Variants in RIC8B observed in about 807,000 individuals in gnomAD.
RIC8B encodes RIC8 guanine nucleotide exchange factor B.
RIC8B carries 16 observed loss-of-function variants against 57.5 expected under a neutral mutation model. The ratio of observed to expected loss-of-function variants is 0.28; its 90% confidence interval spans 0.19 to 0.42. The LOEUF (loss-of-function observed/expected upper bound fraction) is 0.42. Ranked by LOEUF, RIC8B falls within the 10% of genes least tolerant of loss-of-function variation. The pLI, the probability that RIC8B is intolerant of heterozygous loss-of-function variation, is 1.00. For synonymous variants in RIC8B, 216 were observed against 250.8 expected, an observed-to-expected ratio of 0.86 and a Z score of 1.31; for missense variants, 481 against 677.0, an observed-to-expected ratio of 0.71 and a Z score of 3.21.
At chr12:106,808,621 T>C (rs888274046) in intron 2 of RIC8B, among the ~76,000 whole-genome samples, 2 of 152,136 alleles carry the variant, frequency 1.3e-5, no homozygotes, top group Admixed American at 1.3e-4. Context: ...ATGCATACTC[T>C]TTTTTTATGC....
At chr12:106,865,575 C>CCTAT (rs1950106203) in intron 8 of RIC8B, among the ~76,000 whole-genome samples, 1 of 152,270 alleles carries the variant, frequency 6.6e-6, no homozygotes, top group East Asian at 1.9e-4. Context: ...TAGTTCTGGT[C>CCTAT]CTATCTTCAT....
At chr12:106,841,524 G>T (rs1217153926) in intron 4 of RIC8B, among the ~76,000 whole-genome samples, 1 of 152,096 alleles carries the variant, frequency 6.6e-6, no homozygotes, top group Non-Finnish European at 1.5e-5. Flanking sequence ...AGGAGCTACT[G>T]GTCTAAATTA....
chr12:106,864,683 A>C (rs1489850672), intron 8 of RIC8B, among the ~76,000 whole-genome samples: 1 of 152,128 alleles, frequency 6.6e-6, no homozygotes, highest in Non-Finnish European at 1.5e-5. Flanking sequence ...TTGGGGATAA[A>C]ATATGTAACA....
intron 2 of RIC8B, among the ~76,000 whole-genome samples, chr12:106,797,468 G>C (rs2044534810): frequency 6.6e-6 from 1 of 152,156 alleles, no homozygotes; most frequent in South Asian, 2.1e-4. Flanking sequence ...TGACAAAGTA[G>C]ATTCATAGTT....
At chr12:106,835,330 T>C (rs1194722677) in intron 4 of RIC8B, among the ~76,000 whole-genome samples, 1 of 152,210 alleles carries the variant, frequency 6.6e-6, no homozygotes, top group African/African-American at 2.4e-5. Context: ...TCATTTGCTT[T>C]AGGTTTAGGA....
At chr12:106,859,959 G>A (rs1210131579) in intron 7 of RIC8B, among the ~76,000 whole-genome samples, 2 of 152,060 alleles carry the variant, frequency 1.3e-5, no homozygotes, top group East Asian at 3.9e-4. Context: ...AGTAAGATCT[G>A]AGATCAGAAA....
At chr12:106,814,056 CAAAAG>C (rs1205034590) in intron 2 of RIC8B, among the ~76,000 whole-genome samples, 1 of 152,142 alleles carries the variant, frequency 6.6e-6, no homozygotes, top group Non-Finnish European at 1.5e-5. Context: ...AGCAAGATAA[CAAAAG>C]AAAGCTAAAA....
chr12:106,827,720 A>AT (rs1301384677), intron 4 of RIC8B, among the ~76,000 whole-genome samples: 1 of 152,226 alleles, frequency 6.6e-6, no homozygotes, highest in African/African-American at 2.4e-5. Flanking sequence ...GCAATAAATC[A>AT]TATCCTAACA....
chr12:106,871,019 A>T, intron 9 of RIC8B, 77 bp downstream of exon 9: 1 of 1,383,020 alleles, frequency 7.2e-7, no homozygotes, highest in Non-Finnish European at 9.8e-7. Flanking sequence ...GAGAGTTACC[A>T]TAGAACAGCA....
intron 4 of RIC8B, among the ~76,000 whole-genome samples, chr12:106,834,035 G>T (rs2136373477): frequency 6.6e-6 from 1 of 152,284 alleles, no homozygotes; most frequent in African/African-American, 2.4e-5. Context: ...AAGCCAGTAA[G>T]ATACAAGTGC....
At chr12:106,850,299 C>G (rs1289882080) in intron 6 of RIC8B, among the ~76,000 whole-genome samples, 1 of 152,022 alleles carries the variant, frequency 6.6e-6, no homozygotes, top group Non-Finnish European at 1.5e-5. Context: ...GATGCAGAGA[C>G]TATAAAAAGC....
chr12:106,878,862 A>C (rs1950796049), intron 9 of RIC8B: 6 of 504,544 alleles, frequency 1.2e-5, no homozygotes, highest in Non-Finnish European at 1.5e-5. Flanking sequence ...ATAGAACAAA[A>C]TATGTTACAT....
intron 2 of RIC8B, among the ~76,000 whole-genome samples, chr12:106,789,748 A>G (rs970244677): frequency 1.3e-5 from 2 of 152,156 alleles, no homozygotes; most frequent in Admixed American, 6.5e-5. Flanking sequence ...CAGCCAAACC[A>G]TATCACTCCC....
At chr12:106,872,650 CAA>C (rs1950484609) in intron 9 of RIC8B, among the ~76,000 whole-genome samples, 1 of 108,646 alleles carries the variant, frequency 9.2e-6, no homozygotes, top group African/African-American at 3.8e-5. Flanking sequence ...CCTGGTCAAA[CAA>C]GAGCAAAACT....
intron 6 of RIC8B, 136 bp from the exon 7 acceptor site, chr12:106,851,314 C>CGT (rs1356309325): frequency 1.8e-6 from 1 of 556,880 alleles, no homozygotes; most frequent in African/African-American, 2.8e-5. Context: ...TGGAAGCTAA[C>CGT]CTTTTTTTTT....
At chr12:106,802,675 A>G (rs2044790114) in intron 2 of RIC8B, among the ~76,000 whole-genome samples, 1 of 151,706 alleles carries the variant, frequency 6.6e-6, no homozygotes, top group Non-Finnish European at 1.5e-5. Context: ...TAATGTTAAG[A>G]ACACTCATTT....
intron 2 of RIC8B, among the ~76,000 whole-genome samples, chr12:106,789,597 G>C (rs952433731): frequency 6.6e-6 from 1 of 152,138 alleles, no homozygotes; most frequent in Non-Finnish European, 1.5e-5. Context: ...AAACCCATCA[G>C]CTTTCATGAG....
At chr12:106,839,155 C>CA (rs1414808525) in intron 4 of RIC8B, among the ~76,000 whole-genome samples, 2 of 152,182 alleles carry the variant, frequency 1.3e-5, no homozygotes, top group Non-Finnish European at 2.9e-5. Flanking sequence ...ATTCAGCAAT[C>CA]ACGCTTCTGG....
At position 106,887,294 on chromosome 12, in the gene RIC8B, C is replaced by T. The variant is rs1158789304; in HGVS notation, c.*1279C>T. 6.6e-6 allele frequency: 1 copy of T among 152,538 alleles called. No individual in the cohort carries two copies. Among genetic ancestry groups the T allele is most frequent in the Non-Finnish European group, 1.5e-5 (1 of 68,012 alleles). The allele number at this position is 152,538 out of a possible 1,614,324, so 9.4% of individuals were successfully genotyped here. A position where few individuals can be genotyped will look rare whatever the true frequency, so the allele number is the denominator to read the frequency against. On this transcript the variant is annotated 3_prime_UTR_variant, in exon 10 of 10. Transcript: ENST00000392837. Reference sequence around the variant, plus strand: ...ATTGGGGTTGATTCAATTTGGCCATCTGTGTGTGTTTCTTTATAGATACAT... The same window carrying T: ...ATTGGGGTTGATTCAATTTGGCCATTTGTGTGTGTTTCTTTATAGATACAT...
Sources: allele counts gnomAD v4.1 joint callset (sites outside exome capture counted in the v4.1 genomes callset), GRCh38; gene constraint gnomAD v4.1.1; transcripts MANE v1.5; gene names NCBI Gene and HGNC (gene_info 2026-07-23, HGNC 2026-07-21).